The following CTSV variants were observed in gnomAD, a reference collection of about 807,000 sequenced individuals.
The protein encoded by CTSV is cathepsin L2.
In CTSV, 33 loss-of-function variants were observed where a neutral mutation model predicts 35.6. The ratio of observed to expected loss-of-function variants is 0.93; its 90% CI spans 0.70 to 1.24. CTSV has a LOEUF of 1.24. Ranked by LOEUF, CTSV falls within the 50% of genes most tolerant of loss-of-function variation. The pLI is 0.00. For missense variants in CTSV, 408 were observed against 413.1 expected, an observed-to-expected ratio of 0.99 and a Z score of 0.11; for synonymous variants, 154 against 147.1, an observed-to-expected ratio of 1.05 and a Z score of -0.34.
At position 97,030,447 on chromosome 9, in the gene CTSV, A is replaced by G. The variant is rs543778762; in HGVS notation, c.*2502T>C. On this transcript the variant is annotated 3_prime_UTR_variant, in exon 8 of 8. Coordinates refer to ENST00000259470, the MANE Select transcript of CTSV (RefSeq NM_001333.4). ...AGTATAGGAAATATTTGCCGAGACCAGCTTGGTCATGGAGACCCTAACCCA... is the reference window on the plus strand; with the variant it reads ...AGTATAGGAAATATTTGCCGAGACCGGCTTGGTCATGGAGACCCTAACCCA... The G allele has an allele frequency of 6.6e-6, 1 of 152,312 alleles. No homozygotes were observed. The highest frequency in any genetic ancestry group is 1.9e-4 in the East Asian group (1 of 5,182). 9.4% of individuals were successfully genotyped at this position (152,312 alleles called of 1,614,324 possible).
intron 7 of CTSV, among the ~76,000 whole-genome samples, chr9:97,034,427 T>C (rs1828809626): frequency 1.3e-5 from 2 of 152,150 alleles, no homozygotes; most frequent in African/African-American, 4.8e-5. Context: ...GTTGAAAAAT[T>C]AGACAGAAAA....
chr9:97,031,301 A>G lies in CTSV; in HGVS notation c.*1648T>C, dbSNP rs16919034. ...GAGATGGCTGTGGACATAGGCTATCAAAGGGTTTTTGGGATACACAGTCCC... is the reference window on the plus strand; with the variant it reads ...GAGATGGCTGTGGACATAGGCTATCGAAGGGTTTTTGGGATACACAGTCCC... On this transcript the variant is annotated 3_prime_UTR_variant, in exon 8 of 8. Coordinates refer to ENST00000259470, the MANE Select transcript of CTSV (RefSeq NM_001333.4). 41,799 of 152,058 alleles carry G rather than the reference A, an allele frequency of 0.27. 8,056 individuals carry two copies. Among genetic ancestry groups the G allele is most frequent in the East Asian group, 0.54 (2,805 of 5,168 alleles). The allele number at this position is 152,058 out of a possible 1,614,324, so 9.4% of individuals were successfully genotyped here. A position where few individuals can be genotyped will look rare whatever the true frequency, so the allele number is the denominator to read the frequency against.
At chr9:97,034,683 T>G (rs1275212345) in intron 7 of CTSV, 43 bp downstream of exon 7, 1 of 1,450,332 alleles carries the variant, frequency 6.9e-7, no homozygotes, top group Non-Finnish European at 9.7e-7. Context: ...ATCCAAATAC[T>G]GATTTGGAAC....
chr9:97,036,073 AT>A (rs35372861), intron 5 of CTSV, among the ~76,000 whole-genome samples: 2,821 of 143,896 alleles, frequency 0.02, 79 homozygotes, highest in African/African-American at 0.063. Context: ...AAGGCTAATA[AT>A]TTTTTTTTTT....
At chr9:97,036,163 C>T (rs964399669) in intron 5 of CTSV, among the ~76,000 whole-genome samples, 2 of 151,960 alleles carry the variant, frequency 1.3e-5, no homozygotes, top group East Asian at 1.9e-4. Context: ...CTCCGCCTCC[C>T]GGGTTCACGT....
chr9:97,030,702 T>G lies in CTSV; in HGVS notation c.*2247A>C, dbSNP rs887357923. The G allele has an allele frequency of 2.6e-5, 4 of 152,268 alleles. No homozygotes were observed. Among genetic ancestry groups the G allele is most frequent in the Non-Finnish European group, 2.9e-5 (2 of 68,050 alleles). The allele number at this position is 152,268 out of a possible 1,614,324, so 9.4% of individuals were successfully genotyped here. ...TGGCTAGTTATCTGCAGCAGGAACATGTCCTTAAGGCACAGATCGCTCATG... is the reference window on the plus strand; with the variant it reads ...TGGCTAGTTATCTGCAGCAGGAACAGGTCCTTAAGGCACAGATCGCTCATG... On this transcript the variant is annotated 3_prime_UTR_variant, in exon 8 of 8. Transcript: ENST00000259470.
chr9:97,037,881 T>C (rs1476250922), intron 2 of CTSV, 37 bp downstream of exon 2: 1 of 1,608,098 alleles, frequency 6.2e-7, no homozygotes, highest in Non-Finnish European at 8.5e-7. Flanking sequence ...GACCATTCTC[T>C]CCAGAGTCCC....
intron 5 of CTSV, among the ~76,000 whole-genome samples, chr9:97,035,929 A>G (rs987270153): frequency 6.6e-6 from 1 of 152,230 alleles, no homozygotes; most frequent in Non-Finnish European, 1.5e-5. Context: ...CACAATGGAT[A>G]AAGTTCTATT....
At chr9:97,036,832 TAA>T (rs112026309) in intron 4 of CTSV, 85 bp from the exon 5 acceptor site, 467 of 889,264 alleles carry the variant, frequency 5.3e-4, no homozygotes, top group Middle Eastern at 7.6e-4. Flanking sequence ...TAATATTCTT[TAA>T]AAAAAAAAAA....
intron 1 of CTSV, among the ~76,000 whole-genome samples, chr9:97,038,844 T>C (rs1182822298): frequency 6.6e-6 from 1 of 152,092 alleles, no homozygotes; most frequent in Non-Finnish European, 1.5e-5. Context: ...CGGTCCGGCT[T>C]CAGCCCACAG....
chr9:97,035,511 A>C lies in CTSV; in HGVS notation c.787+17T>G. 6.8e-7 allele frequency: 1 copy of C among 1,465,070 alleles called. No individual in the cohort carries two copies. The highest frequency in any genetic ancestry group is 9.1e-7 in the Non-Finnish European group (1 of 1,098,586). 90.8% of individuals were successfully genotyped at this position (1,465,070 alleles called of 1,614,324 possible). A position where few individuals can be genotyped will look rare whatever the true frequency, so the allele number is the denominator to read the frequency against. ...TTCCCAATTCTGCCTAAATTTCTAT[A>C]ATAAAATGACACTTACCTGATTTGT... On this transcript the variant is annotated intron_variant, in intron 6 of 7. Coordinates refer to ENST00000259470, the MANE Select transcript of CTSV (RefSeq NM_001333.4).
chr9:97,038,372 T>C (rs531156952), intron 1 of CTSV: 37 of 226,946 alleles, frequency 1.6e-4, no homozygotes, highest in Non-Finnish European at 2.9e-4. Flanking sequence ...CCAATTGTAC[T>C]GAGGTCATCC....
chr9:97,038,097 A>T, intron 1 of CTSV, 44 bp from the exon 2 acceptor site: 2 of 1,573,960 alleles, frequency 1.3e-6, no homozygotes, highest in Non-Finnish European at 1.7e-6. Flanking sequence ...ACCAATCCTA[A>T]AAAGCCATCT....
chr9:97,035,478 A>G (rs7875800), intron 6 of CTSV, 50 bp downstream of exon 6: 255,882 of 1,360,514 alleles, frequency 0.19, 33,165 homozygotes, highest in East Asian at 0.6. Context: ...AATCAATCAC[A>G]GTGATGCTTC....
intron 5 of CTSV, 88 bp downstream of exon 5, chr9:97,036,435 G>C: frequency 1.1e-6 from 1 of 925,062 alleles, no homozygotes; most frequent in Non-Finnish European, 1.8e-6. Flanking sequence ...TATAAAATGT[G>C]AATTCTGAAA....
chr9:97,036,040 C>T (rs746201245), intron 5 of CTSV, among the ~76,000 whole-genome samples: 1 of 151,946 alleles, frequency 6.6e-6, no homozygotes, highest in Non-Finnish European at 1.5e-5. Context: ...TAGCTGTTGA[C>T]CATCTCACCA....
intron 4 of CTSV, 113 bp downstream of exon 4, chr9:97,037,138 CA>C (rs1828866608): frequency 2.5e-6 from 3 of 1,207,514 alleles, no homozygotes; most frequent in African/African-American, 3.1e-5. Context: ...CACCAAAAAC[CA>C]AAAATACAAA....
At chr9:97,038,967 C>T (rs1828907249) in intron 1 of CTSV, 104 bp downstream of exon 1, 1 of 152,606 alleles carries the variant, frequency 6.6e-6, no homozygotes, top group Non-Finnish European at 1.5e-5. Flanking sequence ...CGGGCAGAAG[C>T]TCTCACTCCC....
chr9:97,037,892 T>C lies in CTSV; in HGVS notation c.126+26A>G, dbSNP rs2119236733. 4 of 1,612,164 alleles carry C rather than the reference T, an allele frequency of 2.5e-6. No individual in the cohort carries two copies. The African/African-American group carries it at 5.3e-5, about 21-fold the overall frequency. On this transcript the variant is annotated intron_variant, in intron 2 of 7. Transcript: ENST00000259470. ...CGAGGACCATTCTCTCCAGAGTCCC[T>C]CTGGACAGTTTCAGATGTTACCAAC...
Sources: gnomAD v4.1 joint callset for allele counts (sites outside exome capture counted in the v4.1 genomes callset) on GRCh38, gnomAD v4.1.1 for gene constraint, MANE v1.5 for transcripts, NCBI Gene and HGNC (gene_info 2026-07-23, HGNC 2026-07-21) for gene names.